Variants in GNAQ observed in about 807,000 individuals in gnomAD.
GNAQ encodes G protein subunit alpha q.
In GNAQ, 8 loss-of-function variants were observed where a neutral mutation model predicts 43.9. That is an observed-to-expected ratio of 0.18 (90% CI 0.11 to 0.33). GNAQ has a LOEUF of 0.33. Ranked by LOEUF, GNAQ falls within the 10% of genes least tolerant of loss-of-function variation. GNAQ has a pLI of 1.00. For missense variants in GNAQ, 158 were observed against 450.8 expected (o/e 0.35, Z 5.88); for synonymous variants, 155 against 170.7 (o/e 0.91, Z 0.71).
At chr9:77,931,180 C>CG (rs1167703225) in intron 1 of GNAQ, among the ~76,000 whole-genome samples, 3 of 148,110 alleles carry the variant, frequency 2.0e-5, no homozygotes, top group East Asian at 2.1e-4. Context: ...GACAGCGGTC[C>CG]CTGTCCTACA....
At chr9:77,975,665 G>A (rs1452333397) in intron 1 of GNAQ, among the ~76,000 whole-genome samples, 3 of 150,566 alleles carry the variant, frequency 2.0e-5, no homozygotes, top group Non-Finnish European at 3.0e-5. Context: ...TCAGCTTCCC[G>A]AGTAGTTGGG....
chr9:78,008,564 C>A (rs1244639022), intron 1 of GNAQ, among the ~76,000 whole-genome samples: 1 of 149,786 alleles, frequency 6.7e-6, no homozygotes, highest in Non-Finnish European at 1.5e-5. Context: ...ACTTAACTAT[C>A]GATTTATTTC....
rs192927818 is a variant in GNAQ, at chr9:77,815,704, C to T, written c.388G>A (p.Asp130Asn). ...TCATTCCATAAACTCTTTATTGCAT[C>T]TACATATGGATTCTCAAAAGCAGAC... The part of the protein sequence containing the change: ...KVSAFENPYV[D>N]AIKSLWNDPG... Residue 130 changes from aspartate (D) to asparagine (N), a missense_variant, in exon 3 of 7, where the codon GAT (aspartate) becomes AAT (asparagine). This residue lies in a region of GNAQ where 57 missense variants were observed against 78.2 expected (regional missense o/e 0.73). Transcript: ENST00000286548. The T allele has an allele frequency of 7.6e-5, 121 of 1,597,348 alleles. 1 individual carries two copies. The East Asian group carries it at 2.6e-3, about 35-fold the overall frequency.
intron 3 of GNAQ, among the ~76,000 whole-genome samples, chr9:77,807,790 T>A (rs1826851340): frequency 6.6e-6 from 1 of 152,198 alleles, no homozygotes; most frequent in Non-Finnish European, 1.5e-5. Flanking sequence ...GGGGTTTGAA[T>A]TTGTGTGTGT....
At chr9:77,981,963 G>T (rs1823373703) in intron 1 of GNAQ, among the ~76,000 whole-genome samples, 1 of 152,160 alleles carries the variant, frequency 6.6e-6, no homozygotes. Context: ...TGATAGATTT[G>T]AGGAGGGTGC....
intron 2 of GNAQ, among the ~76,000 whole-genome samples, chr9:77,876,729 CCCTA>C (rs1400305383): frequency 6.6e-6 from 1 of 152,144 alleles, no homozygotes; most frequent in African/African-American, 2.4e-5. Context: ...TTATTAGGAT[CCCTA>C]CTTACAAAAG....
chr9:77,922,470 A>T, intron 1 of GNAQ, 125 bp from the exon 2 acceptor site: 1 of 665,158 alleles, frequency 1.5e-6, no homozygotes. Flanking sequence ...GCGACTCTAG[A>T]ATTGGAAACA....
At chr9:77,840,373 G>A (rs1446851784) in intron 2 of GNAQ, among the ~76,000 whole-genome samples, 4 of 143,268 alleles carry the variant, frequency 2.8e-5, no homozygotes, top group African/African-American at 5.3e-5. Context: ...TTTTTTAGAC[G>A]GAGTCGGAGT....
At position 77,955,980 on chromosome 9, in the gene GNAQ, T is replaced by C. The variant is rs193257244; in HGVS notation, c.137-33635A>G. Among the ~76,000 whole-genome samples the C allele has an allele frequency of 3.9e-5, 6 of 152,316 alleles. 1 individual carries two copies. In the South Asian group the frequency reaches 6.2e-4, roughly 16 times the overall value. On this transcript the variant is annotated intron_variant, in intron 1 of 6. Transcript: ENST00000286548. ...GCAATTTCTTGGCTATCTTAGTGGG[T>C]CTATGAATAGGGCACATATATTATA...
chr9:77,977,888 C>A (rs903043738), intron 1 of GNAQ, among the ~76,000 whole-genome samples: 3 of 152,124 alleles, frequency 2.0e-5, no homozygotes, highest in Admixed American at 1.3e-4. Context: ...CAACTTAACC[C>A]CCTTGTCCTG....
intron 1 of GNAQ, among the ~76,000 whole-genome samples, chr9:77,978,118 T>C (rs1346166748): frequency 2.0e-5 from 3 of 152,188 alleles, no homozygotes. Context: ...TAAGTGTCTC[T>C]GGGCCCATAC....
chr9:77,867,168 C>T (rs1452122681), intron 2 of GNAQ, among the ~76,000 whole-genome samples: 1 of 152,090 alleles, frequency 6.6e-6, no homozygotes, highest in African/African-American at 2.4e-5. Flanking sequence ...TGCCCCTGGC[C>T]CCCACTTCCC....
At chr9:77,941,235 C>T (rs1410765829) in intron 1 of GNAQ, among the ~76,000 whole-genome samples, 1 of 151,942 alleles carries the variant, frequency 6.6e-6, no homozygotes, top group Non-Finnish European at 1.5e-5. Flanking sequence ...TCTAAAAAAA[C>T]TCAACAATAG....
At chr9:77,876,153 A>G (rs1356360980) in intron 2 of GNAQ, among the ~76,000 whole-genome samples, 1 of 152,248 alleles carries the variant, frequency 6.6e-6, no homozygotes. Context: ...CTGAAGCAGA[A>G]AAAGAACTGG....
intron 1 of GNAQ, among the ~76,000 whole-genome samples, chr9:78,025,256 G>A (rs748871248): frequency 4.2e-4 from 63 of 151,802 alleles, no homozygotes; most frequent in Middle Eastern, 3.4e-3. Context: ...TTTACATATC[G>A]GTAATGTAAC....
At chr9:78,004,271 T>G (rs565068969) in intron 1 of GNAQ, among the ~76,000 whole-genome samples, 1 of 145,618 alleles carries the variant, frequency 6.9e-6, no homozygotes, top group Non-Finnish European at 1.5e-5. Context: ...AGTAAGACTC[T>G]GTCTCAAAAA....
intron 2 of GNAQ, among the ~76,000 whole-genome samples, chr9:77,821,561 C>T (rs1827112921): frequency 2.0e-5 from 3 of 152,100 alleles, no homozygotes; most frequent in Admixed American, 2.0e-4. Context: ...GCAAAACCTA[C>T]ATCAAACACT....
intron 5 of GNAQ, among the ~76,000 whole-genome samples, chr9:77,759,203 A>G (rs1825950856): frequency 6.6e-6 from 1 of 152,236 alleles, no homozygotes; most frequent in African/African-American, 2.4e-5. Context: ...GACTATCAAT[A>G]TTGTTAACCT....
intron 3 of GNAQ, among the ~76,000 whole-genome samples, chr9:77,804,357 T>C (rs1826791165): frequency 6.6e-6 from 1 of 152,142 alleles, no homozygotes; most frequent in Non-Finnish European, 1.5e-5. Context: ...CATATCACAT[T>C]ATAGCTAGGG....
Sources: gnomAD v4.1 joint callset for allele counts (sites outside exome capture counted in the v4.1 genomes callset) on GRCh38, gnomAD v4.1.1 for gene constraint, gnomAD v4.1.1 regional missense constraint, MANE v1.5 for transcripts, NCBI Gene and HGNC (gene_info 2026-07-23, HGNC 2026-07-21) for gene names.